Variants in MALRD1 observed in about 807,000 individuals in gnomAD.
The protein encoded by MALRD1 is MAM and LDL-receptor class A domain-containing protein 1.
Under a neutral mutation model 242.1 loss-of-function variants are expected in MALRD1, and 247 were observed. The observed-to-expected ratio is 1.02, with a 90% CI of 0.92 to 1.13. The LOEUF is 1.13. Among genes scored for constraint, MALRD1 ranks in the 50% most tolerant of loss-of-function variants. The probability of loss-of-function intolerance (pLI) is 0.00; values close to 1 mark genes in which losing one functional copy is unlikely to be tolerated. For synonymous variants in MALRD1, 995 were observed against 866.6 expected (o/e 1.15, Z -2.60); for missense variants, 2,989 against 2,533.1 (o/e 1.18, Z -3.86).
chr10:19,602,439 C>T (rs1301127513), intron 34 of MALRD1, among the ~76,000 whole-genome samples: 4 of 146,826 alleles, frequency 2.7e-5, no homozygotes, highest in Non-Finnish European at 5.9e-5. Context: ...AGTGAGAACA[C>T]GCGGTGTTTG....
intron 4 of MALRD1, among the ~76,000 whole-genome samples, chr10:19,096,506 C>A (rs1245666011): frequency 6.6e-6 from 1 of 152,196 alleles, no homozygotes; most frequent in Non-Finnish European, 1.5e-5. Flanking sequence ...GCTACACCAG[C>A]CTTTTCGGAT....
At chr10:19,500,299 T>C (rs1045993695) in intron 31 of MALRD1, among the ~76,000 whole-genome samples, 8 of 152,202 alleles carry the variant, frequency 5.3e-5, no homozygotes, top group African/African-American at 1.9e-4. Flanking sequence ...GAAGTTAGTG[T>C]ATACTATAAG....
At chr10:19,228,755 T>C (rs1837908351) in intron 18 of MALRD1, among the ~76,000 whole-genome samples, 1 of 152,132 alleles carries the variant, frequency 6.6e-6, no homozygotes, top group Non-Finnish European at 1.5e-5. Flanking sequence ...TGAAATCACA[T>C]GTCTAAAAAT....
At chr10:19,145,401 T>G (rs1016461512) in intron 10 of MALRD1, among the ~76,000 whole-genome samples, 10 of 152,164 alleles carry the variant, frequency 6.6e-5, no homozygotes, top group African/African-American at 2.4e-4. Context: ...CCCAGCACTT[T>G]GGCAGGCCAA....
In MALRD1 at chr10:19,218,360, G is replaced by T. The variant is rs1009194699; in HGVS notation, c.2991+8680G>T. Among the ~76,000 whole-genome samples the T allele has an allele frequency of 5.3e-5, 8 of 151,960 alleles. No individual in the cohort carries two copies. The East Asian group carries it at 1.5e-3, about 29-fold the overall frequency. Reference sequence around the variant, plus strand: ...AGACGTCACTTTTCTTTTTTCTTATGAACAGGCTACTCTGTTTACATATAT... The same window carrying T: ...AGACGTCACTTTTCTTTTTTCTTATTAACAGGCTACTCTGTTTACATATAT... On this transcript the variant is annotated intron_variant, in intron 18 of 39. Transcript: ENST00000454679.
In MALRD1 at chr10:19,203,871, G is replaced by A. The variant is rs972394336; in HGVS notation, c.2095G>A (p.Ala699Thr). 7.7e-6 allele frequency: 12 copies of A among 1,550,306 alleles called. No homozygotes were observed. In the South Asian group the frequency reaches 8.3e-5, roughly 11 times the overall value. ...QAPPRDHSLN[A>T]SQGHFMFILK... ...TCCACCTCGGGATCATAGTCTCAAC[G>A]CATCTCAAGGTAAGAAGCAAACAGG... The change falls in exon 15 of 40, where the codon GCA (alanine) becomes ACA (threonine). Residue 699 changes from alanine to threonine, a missense_variant. By Grantham distance (58) the Ala-to-Thr change is moderately conservative (BLOSUM62 0). Coordinates refer to ENST00000454679, the MANE Select transcript of MALRD1 (RefSeq NM_001142308.3).
rs139851857 is a variant in MALRD1 at position 19,681,224 on chromosome 10, C to A, written c.6138-11058C>A. Among the ~76,000 whole-genome samples the A allele has an allele frequency of 3.2e-3, 484 of 152,258 alleles. 3 individuals are homozygous for A. Among genetic ancestry groups the A allele is most frequent in the African/African-American group, 0.011 (466 of 41,552 alleles). Reference sequence around the variant, plus strand: ...TCTGTCTTGCTAGGTTCGGGAAGTTCTCCTGGATGATATCGTGAAGTATGT... The same window carrying A: ...TCTGTCTTGCTAGGTTCGGGAAGTTATCCTGGATGATATCGTGAAGTATGT... On this transcript the variant is annotated intron_variant, in intron 36 of 39. Coordinates refer to ENST00000454679, the MANE Select transcript of MALRD1 (RefSeq NM_001142308.3).
chr10:19,353,932 G>T (rs900870629), intron 26 of MALRD1, among the ~76,000 whole-genome samples: 1 of 151,590 alleles, frequency 6.6e-6, no homozygotes. Context: ...CGTTATGTTG[G>T]CCAGGCTGGT....
At chr10:19,456,587 G>A (rs1415438643) in intron 29 of MALRD1, among the ~76,000 whole-genome samples, 1 of 152,066 alleles carries the variant, frequency 6.6e-6, no homozygotes, top group African/African-American at 2.4e-5. Flanking sequence ...TCTTCACTTA[G>A]TTTACATGAA....
intron 19 of MALRD1, among the ~76,000 whole-genome samples, chr10:19,274,112 A>G (rs1000396379): frequency 2.6e-5 from 4 of 152,198 alleles, no homozygotes; most frequent in Non-Finnish European, 5.9e-5. Flanking sequence ...ATGATGTAGC[A>G]ATGCTACTTT....
At chr10:19,284,384 A>G (rs1167054625) in intron 21 of MALRD1, among the ~76,000 whole-genome samples, 1 of 141,930 alleles carries the variant, frequency 7.0e-6, no homozygotes, top group Non-Finnish European at 1.5e-5. Context: ...TATATCTCCC[A>G]ATGCTATCCC....
chr10:19,306,561 T>C (rs1382844863), intron 21 of MALRD1, among the ~76,000 whole-genome samples: 1 of 148,500 alleles, frequency 6.7e-6, no homozygotes, highest in East Asian at 2.0e-4. Context: ...TATAGTATGG[T>C]AGTATATATA....
At chr10:19,685,462 G>C (rs1589398587) in intron 36 of MALRD1, among the ~76,000 whole-genome samples, 1 of 152,178 alleles carries the variant, frequency 6.6e-6, no homozygotes, top group Admixed American at 6.5e-5. Context: ...AAATGGAGAA[G>C]TAGAAGCATT....
At chr10:19,459,825 A>G (rs1428066460) in intron 29 of MALRD1, among the ~76,000 whole-genome samples, 1 of 151,214 alleles carries the variant, frequency 6.6e-6, no homozygotes, top group Non-Finnish European at 1.5e-5. Flanking sequence ...ATTTAATTAT[A>G]ATCCAAGCAC....
chr10:19,450,251 G>A, intron 28 of MALRD1, 56 bp from the exon 29 acceptor site: 11 of 1,445,374 alleles, frequency 7.6e-6, no homozygotes, highest in South Asian at 1.3e-5. Flanking sequence ...GCCCCACACT[G>A]CATCATCTTC....
At chr10:19,382,209 T>C (rs966799400) in intron 26 of MALRD1, among the ~76,000 whole-genome samples, 4 of 152,156 alleles carry the variant, frequency 2.6e-5, no homozygotes, top group Non-Finnish European at 5.9e-5. Context: ...ATCCTCACAG[T>C]ATGTTGTTTT....
chr10:19,145,308 G>A (rs528927560), intron 10 of MALRD1, among the ~76,000 whole-genome samples: 1 of 152,194 alleles, frequency 6.6e-6, no homozygotes, highest in African/African-American at 2.4e-5. Context: ...GATAAATGGA[G>A]GAAATTAAGT....
chr10:19,719,209 T>TACATAC (rs1834592872), intron 38 of MALRD1, among the ~76,000 whole-genome samples: 1 of 37,088 alleles, frequency 2.7e-5, no homozygotes, highest in African/African-American at 1.8e-4. Context: ...TATATATATA[T>TACATAC]ATACACATAC....
At chr10:19,688,543 G>A (rs911089560) in intron 36 of MALRD1, among the ~76,000 whole-genome samples, 3 of 152,288 alleles carry the variant, frequency 2.0e-5, no homozygotes, top group Admixed American at 1.3e-4. Flanking sequence ...TTACAGGCAT[G>A]AGCCAGCATG....
Sources: gnomAD v4.1 joint callset for allele counts (sites outside exome capture counted in the v4.1 genomes callset) on GRCh38, gnomAD v4.1.1 for gene constraint, MANE v1.5 for transcripts, NCBI Gene and HGNC (gene_info 2026-07-23, HGNC 2026-07-21) for gene names.